The following GAK variants were observed in gnomAD, a reference collection of about 807,000 sequenced individuals.
GAK encodes cyclin-G-associated kinase.
A neutral mutation model predicts 143.9 loss-of-function variants in GAK; 79 were observed. The observed-to-expected ratio is 0.55, with a 90% CI of 0.46 to 0.66. The LOEUF (loss-of-function observed/expected upper bound fraction) is 0.66. Among genes scored for constraint, GAK ranks in the 30% least tolerant of loss-of-function variants. The pLI, the probability that GAK is intolerant of heterozygous loss-of-function variation, is 0.00. For missense variants in GAK, 1,693 were observed against 1,779.7 expected, an observed-to-expected ratio of 0.95 and a Z score of 0.88; for synonymous variants, 881 against 765.5, an observed-to-expected ratio of 1.15 and a Z score of -2.49.
chr4:926,755 C>G (rs1724813006), intron 1 of GAK, among the ~76,000 whole-genome samples: 1 of 152,102 alleles, frequency 6.6e-6, no homozygotes, highest in South Asian at 2.1e-4. Context: ...GTGGCAGAAT[C>G]TGGGCCTCAC....
intron 5 of GAK, among the ~76,000 whole-genome samples, chr4:902,611 A>AAAAAAAAAAAAAC (rs1560401685): frequency 1.3e-5 from 2 of 149,828 alleles, no homozygotes; most frequent in African/African-American, 4.9e-5. Flanking sequence ...AAAAAAAAAA[A>AAAAAAAAAAAAAC]AAACCCCAAA....
At chr4:901,585 C>G (rs2152896880) in intron 5 of GAK, among the ~76,000 whole-genome samples, 1 of 152,350 alleles carries the variant, frequency 6.6e-6, no homozygotes, top group East Asian at 1.9e-4. Flanking sequence ...TCAGGTCACA[C>G]AAGGTCAATT....
chr4:914,488 C>T (rs1722692063), intron 1 of GAK, among the ~76,000 whole-genome samples: 1 of 105,898 alleles, frequency 9.4e-6, no homozygotes, highest in Non-Finnish European at 1.9e-5. Context: ...ACACACACAG[C>T]CCCAGCGTGC....
rs531068784 is a variant in GAK, at chr4:881,596, GGCATTTTCACGT to G, written c.1661+299_1661+310del. ...GGCACCTGTGTCAGGTGCTCCACAC[GGCATTTTCACGT>G]GCATTATCCACCAGAGCCCACCACA... On this transcript the variant is annotated intron_variant, in intron 15 of 27. Coordinates refer to ENST00000314167, the MANE Select transcript of GAK (RefSeq NM_005255.4). 4.2e-3 allele frequency among the ~76,000 whole-genome samples: 640 copies of G among 152,342 alleles called. 4 individuals are homozygous for G. Among genetic ancestry groups the G allele is most frequent in the Non-Finnish European group, 4.3e-3 (291 of 68,016 alleles).
chr4:857,492 T>G (rs1224431459), intron 24 of GAK, among the ~76,000 whole-genome samples: 1 of 152,220 alleles, frequency 6.6e-6, no homozygotes, highest in East Asian at 1.9e-4. Flanking sequence ...TTTGTATTTA[T>G]AGAATTTTTC....
At chr4:856,359 TCAC>T (rs1184393703) in intron 24 of GAK, among the ~76,000 whole-genome samples, 14 of 118,190 alleles carry the variant, frequency 1.2e-4, no homozygotes, top group Admixed American at 2.5e-4. Context: ...TCACACCTGC[TCAC>T]CACAGCTGCT....
At chr4:930,385 A>G (rs997679168) in intron 1 of GAK, among the ~76,000 whole-genome samples, 1 of 151,374 alleles carries the variant, frequency 6.6e-6, no homozygotes, top group African/African-American at 2.4e-5. Flanking sequence ...AGCTGCCCAC[A>G]TTTCCTTGTT....
chr4:876,752 G>T, intron 17 of GAK, 143 bp from the exon 18 acceptor site: 4 of 704,916 alleles, frequency 5.7e-6, no homozygotes, highest in Non-Finnish European at 1.0e-5. Flanking sequence ...CACATGTTGT[G>T]GGGGAAGCGG....
chr4:886,829 C>G (rs970942450), intron 11 of GAK: 1 of 152,314 alleles, frequency 6.6e-6, no homozygotes, highest in Admixed American at 6.5e-5. Flanking sequence ...TCAGCCACAA[C>G]TCAGGCAGGA....
At chr4:878,254 T>A (rs1714394604) in intron 15 of GAK, among the ~76,000 whole-genome samples, 1 of 152,130 alleles carries the variant, frequency 6.6e-6, no homozygotes, top group Non-Finnish European at 1.5e-5. Flanking sequence ...CCGGACTTGG[T>A]GGTGTGCACC....
In GAK at chr4:867,074, A is replaced by AG; in HGVS notation, c.2753dup (p.Glu919Ter). 1.9e-6 allele frequency: 3 copies of AG among 1,538,522 alleles called. No homozygotes were observed. Among genetic ancestry groups the AG allele is most frequent in the Non-Finnish European group, 2.6e-6 (3 of 1,142,264 alleles). ...CCGGGGGCCCCTGGGAGGCGGCCTC[A>AG]GGGGGCCCAAGGAGGCAGCTGAGCA... On this transcript the variant is annotated frameshift_variant, in exon 21 of 28. Coordinates refer to ENST00000314167, the MANE Select transcript of GAK (RefSeq NM_005255.4). LOFTEE classifies it high-confidence loss of function.
intron 20 of GAK, 27 bp downstream of exon 20, chr4:868,512 G>C: frequency 6.3e-7 from 1 of 1,596,364 alleles, no homozygotes; most frequent in Non-Finnish European, 8.5e-7. Flanking sequence ...CCCTCTGCAA[G>C]TGGCCAGGTC....
chr4:884,097 A>G lies in GAK; in HGVS notation c.1206-11T>C. On this transcript the variant is annotated splice_polypyrimidine_tract_variant and intron_variant, in intron 11 of 27. Coordinates refer to ENST00000314167, the MANE Select transcript of GAK (RefSeq NM_005255.4). ...TCACCCTTTGCATAACTGGAATTAA[A>G]AAGAAGAGAACTTGGTTATGACAAG... 2 of 1,612,290 alleles carry G rather than the reference A, an allele frequency of 1.2e-6. No individual in the cohort carries two copies. The highest frequency in any genetic ancestry group is 2.2e-5 in the South Asian group (2 of 91,042).
At chr4:896,359 A>G (rs529902910) in intron 7 of GAK, 101 bp downstream of exon 7, 17 of 831,118 alleles carry the variant, frequency 2.0e-5, no homozygotes, top group Non-Finnish European at 3.1e-5. Context: ...GGGGTGGAGG[A>G]GGCAGGCCAG....
chr4:900,074 G>A (rs1031373876), intron 5 of GAK, among the ~76,000 whole-genome samples: 3 of 152,288 alleles, frequency 2.0e-5, no homozygotes, highest in East Asian at 1.9e-4. Context: ...CACACAGCGG[G>A]GAGATGCAGT....
intron 15 of GAK, among the ~76,000 whole-genome samples, chr4:879,254 C>T (rs1466197720): frequency 6.6e-6 from 1 of 152,182 alleles, no homozygotes; most frequent in Non-Finnish European, 1.5e-5. Context: ...AGAGGACTTC[C>T]TGCAGTGTAT....
chr4:880,009 C>A (rs375061890), intron 15 of GAK, among the ~76,000 whole-genome samples: 1 of 151,902 alleles, frequency 6.6e-6, no homozygotes, highest in Admixed American at 6.6e-5. Flanking sequence ...CGCGCACCTG[C>A]CTGAGGGTCC....
chr4:865,047 G>C, intron 23 of GAK, 75 bp downstream of exon 23: 1 of 1,553,556 alleles, frequency 6.4e-7, no homozygotes. Context: ...CCCTGTTACA[G>C]GTACGTGTGA....
Position 912,730 on chromosome 4 carries a change from G to C in GAK, c.267+5C>G. 6.2e-7 allele frequency: 1 copy of C among 1,613,010 alleles called. No individual in the cohort carries two copies. Among genetic ancestry groups the C allele is most frequent in the Non-Finnish European group, 8.5e-7 (1 of 1,179,204 alleles). On this transcript the variant is annotated splice_donor_5th_base_variant and intron_variant, in intron 3 of 27. Transcript: ENST00000314167. ...TGCTGGCTCCTGGTTCCAGGAAAAGGATACCATGAAGCAAACTTCTTGAAT... is the reference window on the plus strand; with the variant it reads ...TGCTGGCTCCTGGTTCCAGGAAAAGCATACCATGAAGCAAACTTCTTGAAT...
Sources: gnomAD v4.1 joint callset for allele counts (sites outside exome capture counted in the v4.1 genomes callset) on GRCh38, gnomAD v4.1.1 for gene constraint, MANE v1.5 for transcripts, NCBI Gene and HGNC (gene_info 2026-07-23, HGNC 2026-07-21) for gene names.